ERP44: variants seen among roughly 807,000 people sequenced by gnomAD.
The protein encoded by ERP44 is endoplasmic reticulum resident protein 44.
In ERP44, 25 loss-of-function variants were observed where a neutral mutation model predicts 53.4. The ratio of observed to expected loss-of-function variants is 0.47; its 90% CI spans 0.34 to 0.65. The LOEUF (loss-of-function observed/expected upper bound fraction) is 0.65, where lower values mean the gene tolerates loss of function less well. ERP44 is among the 30% of genes least tolerant of loss of function. The probability of loss-of-function intolerance (pLI) is 0.01; values close to 1 mark genes in which losing one functional copy is unlikely to be tolerated. For synonymous variants in ERP44, 145 were observed against 161.2 expected, an observed-to-expected ratio of 0.90 and a Z score of 0.76; for missense variants, 338 against 493.2, an observed-to-expected ratio of 0.69 and a Z score of 2.98.
chr9:100,009,286 G>A (rs967431433), intron 8 of ERP44, among the ~76,000 whole-genome samples: 8 of 151,822 alleles, frequency 5.3e-5, no homozygotes, highest in South Asian at 2.1e-4. Flanking sequence ...TAATTTTTTT[G>A]TATATTTAGT....
chr9:100,050,247 G>T (rs1826021857), intron 4 of ERP44, among the ~76,000 whole-genome samples: 2 of 152,066 alleles, frequency 1.3e-5, no homozygotes, highest in African/African-American at 4.8e-5. Flanking sequence ...CTTGATTGTG[G>T]TGATGGTTTC....
At chr9:100,041,645 C>A (rs761250741) in intron 4 of ERP44, among the ~76,000 whole-genome samples, 1 of 151,928 alleles carries the variant, frequency 6.6e-6, no homozygotes, top group Admixed American at 6.6e-5. Context: ...TCCAGCCCCG[C>A]GACAGAGCAA....
chr9:100,013,726 G>A, intron 8 of ERP44, among the ~76,000 whole-genome samples: 1 of 152,086 alleles, frequency 6.6e-6, no homozygotes, highest in East Asian at 1.9e-4. Flanking sequence ...AACCACTTTG[G>A]AAAAACTGGT....
At chr9:100,043,291 A>AAAAAGAAAAAAAAAAG (rs1168903331) in intron 4 of ERP44, among the ~76,000 whole-genome samples, 1 of 74,878 alleles carries the variant, frequency 1.3e-5, no homozygotes, top group African/African-American at 5.8e-5. Flanking sequence ...AAAAAAAAAA[A>AAAAAGAAAAAAAAAAG]GATAAATAAG....
intron 10 of ERP44, among the ~76,000 whole-genome samples, chr9:99,988,067 ATGT>A (rs1393127763): frequency 6.6e-6 from 1 of 152,206 alleles, no homozygotes; most frequent in African/African-American, 2.4e-5. Flanking sequence ...TGACTGTATC[ATGT>A]TGTAATCCAC....
chr9:100,084,722 A>C (rs2118752878), intron 1 of ERP44, among the ~76,000 whole-genome samples: 1 of 152,376 alleles, frequency 6.6e-6, no homozygotes, highest in East Asian at 1.9e-4. Flanking sequence ...ACTTCAAAGT[A>C]ATATTCAAAA....
chr9:100,054,785 T>G (rs960462374), intron 3 of ERP44, among the ~76,000 whole-genome samples: 1 of 151,922 alleles, frequency 6.6e-6, no homozygotes, highest in Non-Finnish European at 1.5e-5. Context: ...AAAGGGAAAA[T>G]GAAATAAAAG....
At chr9:100,078,513 G>A (rs937897323) in intron 1 of ERP44, among the ~76,000 whole-genome samples, 1 of 147,922 alleles carries the variant, frequency 6.8e-6, no homozygotes, top group Non-Finnish European at 1.5e-5. Context: ...CCAGCACTTT[G>A]GGAGGCAGTG....
chr9:100,063,092 A>AAAAAAAAAAAAAAAAAAGAG (rs773290883), intron 1 of ERP44, among the ~76,000 whole-genome samples: 1 of 145,238 alleles, frequency 6.9e-6, no homozygotes, highest in South Asian at 2.2e-4. Flanking sequence ...AAAAAAAAAA[A>AAAAAAAAAAAAAAAAAAGAG]AGAGAGAGAG....
chr9:100,066,059 C>A (rs1587979139), intron 1 of ERP44, among the ~76,000 whole-genome samples: 1 of 152,214 alleles, frequency 6.6e-6, no homozygotes, highest in Admixed American at 6.5e-5. Flanking sequence ...TCTAGACCCA[C>A]TGAATGAGAA....
chr9:100,079,413 TACACACACACACACACAC>T (rs58110423), intron 1 of ERP44, among the ~76,000 whole-genome samples: 5 of 137,268 alleles, frequency 3.6e-5, no homozygotes, highest in African/African-American at 8.0e-5. Flanking sequence ...AACTCCCCTT[TACACACACACACACACAC>T]ACACACACAC....
Position 99,998,684 on chromosome 9 carries a change from C to A in ERP44, c.1016+7822G>T, listed in dbSNP as rs1194597149. 15 of 741,612 alleles carry A rather than the reference C, an allele frequency of 2.0e-5. 1 individual carries two copies. In the South Asian group the frequency reaches 2.1e-4, roughly 10 times the overall value. 45.9% of individuals were successfully genotyped at this position (741,612 alleles called of 1,614,324 possible). A position where few individuals can be genotyped will look rare whatever the true frequency, so the allele number is the denominator to read the frequency against. On this transcript the variant is annotated intron_variant, in intron 10 of 11. Transcript: ENST00000262455. ...GTCACTGCTGCTGTGTGACCTTAAT[C>A]CTTACTTCTCTGCAATTTTCTTCGG...
chr9:99,996,225 T>C (rs1405378996), intron 10 of ERP44, among the ~76,000 whole-genome samples: 1 of 152,140 alleles, frequency 6.6e-6, no homozygotes, highest in African/African-American at 2.4e-5. Context: ...CTCATGGTAG[T>C]TGAGTTCTAG....
At chr9:100,020,829 C>T (rs1830580501) in intron 5 of ERP44, 98 bp from the exon 6 acceptor site, 4 of 639,370 alleles carry the variant, frequency 6.3e-6, no homozygotes, top group Non-Finnish European at 1.1e-5. Flanking sequence ...CAAGTCCAGT[C>T]ATTGTTCAAA....
chr9:100,083,967 AG>A (rs1826454674), intron 1 of ERP44, among the ~76,000 whole-genome samples: 1 of 152,260 alleles, frequency 6.6e-6, no homozygotes, highest in East Asian at 1.9e-4. Context: ...TGAAAAAGCA[AG>A]AGAAAACAGT....
intron 10 of ERP44, among the ~76,000 whole-genome samples, chr9:100,002,794 G>A (rs1037205970): frequency 3.3e-5 from 5 of 152,012 alleles, no homozygotes; most frequent in Admixed American, 6.6e-5. Context: ...ATGTGTTGGC[G>A]TAGTCTTTGG....
At chr9:100,065,304 C>T (rs2118724505) in intron 1 of ERP44, among the ~76,000 whole-genome samples, 1 of 152,264 alleles carries the variant, frequency 6.6e-6, no homozygotes, top group Admixed American at 6.5e-5. Flanking sequence ...ATAGGCTATT[C>T]CATATAGCCC....
intron 10 of ERP44, among the ~76,000 whole-genome samples, chr9:99,986,747 T>C (rs552841393): frequency 1.3e-5 from 2 of 152,212 alleles, no homozygotes; most frequent in Non-Finnish European, 2.9e-5. Context: ...ATGCACAGTT[T>C]ACAAATACAA....
chr9:100,044,035 T>A (rs1277866980), intron 4 of ERP44, among the ~76,000 whole-genome samples: 1 of 152,210 alleles, frequency 6.6e-6, no homozygotes, highest in East Asian at 1.9e-4. Context: ...AAAATATAAC[T>A]GATAAGAAAG....
Sources: gnomAD v4.1 joint callset for allele counts (sites outside exome capture counted in the v4.1 genomes callset) on GRCh38, gnomAD v4.1.1 for gene constraint, MANE v1.5 for transcripts, NCBI Gene and HGNC (gene_info 2026-07-23, HGNC 2026-07-21) for gene names.